The following LHFPL3 variants were observed in gnomAD, a reference collection of about 807,000 sequenced individuals.
The protein encoded by LHFPL3 is LHFPL tetraspan subfamily member 3 protein.
LHFPL3 carries 5 observed loss-of-function variants against 19.3 expected under a neutral mutation model. That is an observed-to-expected ratio of 0.26 (90% CI 0.14 to 0.54). The LOEUF is 0.54. LHFPL3 is among the 20% of genes least tolerant of loss of function. The probability of loss-of-function intolerance (pLI) is 0.94; values close to 1 mark genes in which losing one functional copy is unlikely to be tolerated. For synonymous variants in LHFPL3, 133 were observed against 126.2 expected (o/e 1.05, Z -0.36); for missense variants, 249 against 307.4 (o/e 0.81, Z 1.42).
At chr7:104,510,136 C>T (rs1267280710) in intron 1 of LHFPL3, among the ~76,000 whole-genome samples, 1 of 152,050 alleles carries the variant, frequency 6.6e-6, no homozygotes, top group Non-Finnish European at 1.5e-5. Flanking sequence ...GGAAGACTCA[C>T]TATAGTAGAG....
rs192407568 is a variant in LHFPL3, at chr7:104,762,141, A to G, written c.682+25230A>G. 4.6e-4 allele frequency among the ~76,000 whole-genome samples: 70 copies of G among 152,318 alleles called. 1 individual carries two copies. The East Asian group carries it at 0.01, about 22-fold the overall frequency. On this transcript the variant is annotated intron_variant, in intron 2 of 2. Coordinates refer to ENST00000424859, the MANE Select transcript of LHFPL3 (RefSeq NM_199000.3). ...AGGACTCTGTTTCGTGTCTAAAAACACTACCTGGCATGAGAGGGTTAACAT... is the reference window on the plus strand; with the variant it reads ...AGGACTCTGTTTCGTGTCTAAAAACGCTACCTGGCATGAGAGGGTTAACAT...
intron 1 of LHFPL3, among the ~76,000 whole-genome samples, chr7:104,372,878 G>A (rs1313053000): frequency 2.6e-5 from 4 of 151,966 alleles, no homozygotes. Context: ...CCAGTGAATG[G>A]GTGGATCATG....
rs1794389313 is a variant in LHFPL3 at position 104,536,420 on chromosome 7, C to T, written c.446-200255C>T. Among the ~76,000 whole-genome samples, 3 of 152,178 alleles carry T rather than the reference C, an allele frequency of 2.0e-5. No homozygotes were observed. The South Asian group carries it at 6.2e-4, about 32-fold the overall frequency. On this transcript the variant is annotated intron_variant, in intron 1 of 2. Coordinates refer to ENST00000424859, the MANE Select transcript of LHFPL3 (RefSeq NM_199000.3). Reference sequence around the variant, plus strand: ...CCAGCCCACGAGTATTTTGCCTCTACTTTAATACCTAGCATTTCATCCCCA... The same window carrying T: ...CCAGCCCACGAGTATTTTGCCTCTATTTTAATACCTAGCATTTCATCCCCA...
chr7:104,825,824 G>C (rs1205812009), intron 2 of LHFPL3, among the ~76,000 whole-genome samples: 1 of 151,824 alleles, frequency 6.6e-6, no homozygotes, highest in Non-Finnish European at 1.5e-5. Flanking sequence ...AAGAGGGAAG[G>C]AGAAAAAGCA....
At chr7:104,347,265 A>G (rs1790088174) in intron 1 of LHFPL3, among the ~76,000 whole-genome samples, 1 of 152,062 alleles carries the variant, frequency 6.6e-6, no homozygotes, top group Admixed American at 6.5e-5. Flanking sequence ...AGAAAAAAAA[A>G]TCATGCACAT....
chr7:104,420,676 C>T (rs1432208709), intron 1 of LHFPL3, among the ~76,000 whole-genome samples: 3 of 151,672 alleles, frequency 2.0e-5, no homozygotes, highest in African/African-American at 7.3e-5. Flanking sequence ...TCTCCTGCCT[C>T]AGCCTCCTGC....
intron 1 of LHFPL3, among the ~76,000 whole-genome samples, chr7:104,674,647 G>A (rs1424494440): frequency 1.1e-4 from 17 of 152,174 alleles, no homozygotes; most frequent in South Asian, 1.0e-3. Flanking sequence ...GATTACAGGC[G>A]TGAGCCACTG....
At chr7:104,835,293 AC>A (rs34466261) in intron 2 of LHFPL3, among the ~76,000 whole-genome samples, 13,637 of 151,926 alleles carry the variant, frequency 0.09, 1,435 homozygotes, top group East Asian at 0.43. Flanking sequence ...CCATCAACCA[AC>A]ATTTGCTGTG....
At chr7:104,685,654 C>T (rs1049588576) in intron 1 of LHFPL3, among the ~76,000 whole-genome samples, 1 of 152,194 alleles carries the variant, frequency 6.6e-6, no homozygotes, top group Admixed American at 6.5e-5. Flanking sequence ...CAACCAAGCA[C>T]CAGTAGCCAC....
At chr7:104,513,817 G>C (rs185824861) in intron 1 of LHFPL3, among the ~76,000 whole-genome samples, 274 of 152,274 alleles carry the variant, frequency 1.8e-3, no homozygotes, top group Non-Finnish European at 3.2e-3. Context: ...CGTTTTTAAA[G>C]GTCTTCAAGT....
At chr7:104,660,659 C>G (rs1179617406) in intron 1 of LHFPL3, among the ~76,000 whole-genome samples, 3 of 152,178 alleles carry the variant, frequency 2.0e-5, no homozygotes, top group Non-Finnish European at 2.9e-5. Flanking sequence ...AGGCCACTCT[C>G]TGGGCAATGT....
intron 2 of LHFPL3, among the ~76,000 whole-genome samples, chr7:104,745,258 C>T (rs986272903): frequency 1.3e-5 from 2 of 152,204 alleles, no homozygotes; most frequent in Non-Finnish European, 2.9e-5. Flanking sequence ...TCCTCTTTCT[C>T]CTTCTTCCTA....
At chr7:104,667,657 T>C in intron 1 of LHFPL3, 1 of 919,578 alleles carries the variant, frequency 1.1e-6, no homozygotes, top group Non-Finnish European at 1.6e-6. Context: ...CAAGGGTAAA[T>C]AGTAACTAAA....
intron 2 of LHFPL3, among the ~76,000 whole-genome samples, chr7:104,798,943 G>T (rs1256712686): frequency 6.6e-6 from 1 of 152,164 alleles, no homozygotes; most frequent in East Asian, 1.9e-4. Context: ...GGTGTAAACT[G>T]AGGAGGACTT....
chr7:104,695,769 C>T (rs1408953306), intron 1 of LHFPL3, among the ~76,000 whole-genome samples: 2 of 152,156 alleles, frequency 1.3e-5, no homozygotes, highest in Non-Finnish European at 1.5e-5. Flanking sequence ...CTTAGATAAA[C>T]AAGGGCAACC....
chr7:104,868,140 C>A (rs1354156333), intron 2 of LHFPL3, among the ~76,000 whole-genome samples: 1 of 152,214 alleles, frequency 6.6e-6, no homozygotes, highest in South Asian at 2.1e-4. Context: ...TGGGCAAAAA[C>A]GGGAAGCATT....
At chr7:104,829,891 C>T (rs1790916512) in intron 2 of LHFPL3, among the ~76,000 whole-genome samples, 2 of 152,020 alleles carry the variant, frequency 1.3e-5, no homozygotes, top group Admixed American at 6.5e-5. Flanking sequence ...TTCTAGATCC[C>T]TGAGGAATCA....
intron 1 of LHFPL3, among the ~76,000 whole-genome samples, chr7:104,652,690 G>A (rs969067542): frequency 4.6e-5 from 7 of 152,160 alleles, no homozygotes; most frequent in East Asian, 1.9e-4. Flanking sequence ...GGTGGTGAAC[G>A]AGGGCCACTC....
chr7:104,860,141 A>G (rs552391468), intron 2 of LHFPL3, among the ~76,000 whole-genome samples: 34 of 150,312 alleles, frequency 2.3e-4, no homozygotes, highest in Middle Eastern at 6.8e-3. Context: ...TAATCCTTCT[A>G]CCACCACCCC....
Sources: gnomAD v4.1 joint callset for allele counts (sites outside exome capture counted in the v4.1 genomes callset) on GRCh38, gnomAD v4.1.1 for gene constraint, MANE v1.5 for transcripts, NCBI Gene and HGNC (gene_info 2026-07-23, HGNC 2026-07-21) for gene names.